Variants in SSBP3 observed in about 807,000 individuals in gnomAD.
The protein encoded by SSBP3 is single-stranded DNA-binding protein 3.
A neutral mutation model predicts 69.6 loss-of-function variants in SSBP3; 5 were observed. The observed-to-expected ratio is 0.07, with a 90% CI of 0.04 to 0.15. The LOEUF is 0.15. SSBP3 is among the 10% of genes least tolerant of loss of function. The probability of loss-of-function intolerance (pLI) is 1.00; values close to 1 mark genes in which losing one functional copy is unlikely to be tolerated. For synonymous variants in SSBP3, 196 were observed against 193.4 expected, an observed-to-expected ratio of 1.01 and a Z score of -0.11; for missense variants, 312 against 534.0, an observed-to-expected ratio of 0.58 and a Z score of 4.10.
At chr1:54,245,787 C>T (rs1644724855) in intron 9 of SSBP3, among the ~76,000 whole-genome samples, 1 of 152,232 alleles carries the variant, frequency 6.6e-6, no homozygotes, top group Admixed American at 6.5e-5. Context: ...GAACTCGAGA[C>T]CTGAGGTCAG....
intron 4 of SSBP3, among the ~76,000 whole-genome samples, chr1:54,396,238 G>A (rs1362334925): frequency 1.5e-5 from 2 of 133,938 alleles, no homozygotes; most frequent in Admixed American, 7.4e-5. Flanking sequence ...TTACCCCAGC[G>A]AATCAAAAAC....
intron 3 of SSBP3, among the ~76,000 whole-genome samples, chr1:54,403,948 C>T (rs976343446): frequency 6.7e-6 from 1 of 149,184 alleles, no homozygotes; most frequent in Non-Finnish European, 1.5e-5. Flanking sequence ...GAGCCCCTAA[C>T]TGCAGACACT....
chr1:54,243,818 TC>T (rs2100664349), intron 9 of SSBP3, among the ~76,000 whole-genome samples: 1 of 152,268 alleles, frequency 6.6e-6, no homozygotes, highest in East Asian at 1.9e-4. Flanking sequence ...CAGGTGGTAG[TC>T]CTACCCCACC....
At chr1:54,233,686 G>A (rs562385394) in intron 14 of SSBP3, among the ~76,000 whole-genome samples, 66 of 145,348 alleles carry the variant, frequency 4.5e-4, no homozygotes, top group East Asian at 1.9e-3. Flanking sequence ...CCCTCTGCCC[G>A]GCCAGCCGCC....
chr1:54,361,774 A>G (rs920147931), intron 4 of SSBP3, among the ~76,000 whole-genome samples: 3 of 152,132 alleles, frequency 2.0e-5, no homozygotes, highest in African/African-American at 7.2e-5. Flanking sequence ...CTTTCCAGAC[A>G]TGCCAGATAC....
At chr1:54,241,055 G>GC in intron 12 of SSBP3, 96 bp from the exon 13 acceptor site, 1 of 1,352,200 alleles carries the variant, frequency 7.4e-7, no homozygotes, top group Non-Finnish European at 1.0e-6. Context: ...GCAACTGCTC[G>GC]CCCCAGGCCC....
chr1:54,294,114 G>C (rs1030229990), intron 4 of SSBP3, among the ~76,000 whole-genome samples: 11 of 128,458 alleles, frequency 8.6e-5, no homozygotes, highest in Non-Finnish European at 1.6e-4. Context: ...CTGCACTCCA[G>C]CTGGGGTGAC....
chr1:54,404,821 T>TG, intron 2 of SSBP3, 37 bp downstream of exon 2: 1 of 605,662 alleles, frequency 1.7e-6, no homozygotes, highest in Non-Finnish European at 2.4e-6. Flanking sequence ...GGGGGGGGGG[T>TG]GTCAAGAAAT....
chr1:54,288,129 C>A (rs1645525825), intron 4 of SSBP3, among the ~76,000 whole-genome samples: 1 of 152,124 alleles, frequency 6.6e-6, no homozygotes, highest in Non-Finnish European at 1.5e-5. Context: ...TGGGGTCGCT[C>A]CCAGCGGAGA....
At chr1:54,316,462 AC>A (rs1370247915) in intron 4 of SSBP3, among the ~76,000 whole-genome samples, 3 of 145,046 alleles carry the variant, frequency 2.1e-5, no homozygotes, top group African/African-American at 7.8e-5. Flanking sequence ...ACAAGGTGAA[AC>A]CCCGTCTCTA....
intron 11 of SSBP3, 28 bp from the exon 12 acceptor site, chr1:54,241,537 C>A (rs149899085): frequency 6.8e-6 from 11 of 1,612,996 alleles, no homozygotes; most frequent in African/African-American, 2.7e-5. Flanking sequence ...GGGAGCCCCA[C>A]GTCAGAGTCA....
chr1:54,339,216 T>C (rs941189907), intron 4 of SSBP3, among the ~76,000 whole-genome samples: 1 of 152,184 alleles, frequency 6.6e-6, no homozygotes, highest in African/African-American at 2.4e-5. Context: ...GGGTCTTATC[T>C]TATCCCATGG....
chr1:54,240,990 C>G, intron 12 of SSBP3, 31 bp from the exon 13 acceptor site: 2 of 1,590,656 alleles, frequency 1.3e-6, no homozygotes, highest in Non-Finnish European at 1.7e-6. Context: ...ACATCAGACA[C>G]CCACGGTGGT....
upstream of SSBP3, among the ~76,000 whole-genome samples, chr1:54,407,153 G>A (rs966041767): frequency 6.6e-6 from 1 of 152,000 alleles, no homozygotes; most frequent in Non-Finnish European, 1.5e-5. Context: ...TTGGGGAGCC[G>A]GGGGGGAGGG....
At chr1:54,329,293 C>A (rs556044904) in intron 4 of SSBP3, among the ~76,000 whole-genome samples, 1 of 152,178 alleles carries the variant, frequency 6.6e-6, no homozygotes, top group Non-Finnish European at 1.5e-5. Flanking sequence ...GAAGGCTGCA[C>A]ATTTATCTTT....
intron 11 of SSBP3, 124 bp from the exon 12 acceptor site, chr1:54,241,633 C>T (rs1238992617): frequency 2.0e-6 from 2 of 1,009,284 alleles, no homozygotes; most frequent in Admixed American, 1.9e-5. Flanking sequence ...GCTGGCCACC[C>T]ACTTGGTTCC....
At chr1:54,361,819 G>A (rs1008722123) in intron 4 of SSBP3, among the ~76,000 whole-genome samples, 5 of 152,110 alleles carry the variant, frequency 3.3e-5, no homozygotes, top group Admixed American at 6.5e-5. Flanking sequence ...GATACTACTG[G>A]TCAATGTGGA....
At chr1:54,273,147 C>T (rs185117116) in intron 5 of SSBP3, among the ~76,000 whole-genome samples, 11 of 152,364 alleles carry the variant, frequency 7.2e-5, no homozygotes, top group Admixed American at 2.6e-4. Context: ...TGTTACCGAG[C>T]AAATCTCCCA....
At chr1:54,231,203 C>T (rs1644374163) in intron 14 of SSBP3, among the ~76,000 whole-genome samples, 1 of 152,236 alleles carries the variant, frequency 6.6e-6, no homozygotes, top group Non-Finnish European at 1.5e-5. Flanking sequence ...CTCGCCAACA[C>T]CAGTCATTAT....
Sources: allele counts gnomAD v4.1 joint callset (sites outside exome capture counted in the v4.1 genomes callset), GRCh38; gene constraint gnomAD v4.1.1; transcripts MANE v1.5; gene names NCBI Gene and HGNC (gene_info 2026-07-23, HGNC 2026-07-21).